Variants in PXN observed in about 807,000 individuals in gnomAD.
PXN encodes paxillin.
A neutral mutation model predicts 103.6 loss-of-function variants in PXN; 61 were observed. The ratio of observed to expected loss-of-function variants is 0.59; its 90% CI spans 0.48 to 0.73. The LOEUF (loss-of-function observed/expected upper bound fraction) is 0.73. PXN is among the 30% of genes least tolerant of loss of function. PXN has a pLI of 0.00. For synonymous variants in PXN, 562 were observed against 607.8 expected, an observed-to-expected ratio of 0.92 and a Z score of 1.11; for missense variants, 1,274 against 1,460.3, an observed-to-expected ratio of 0.87 and a Z score of 2.08.
chr12:120,245,099 A>C (rs1890833783), intron 1 of PXN, among the ~76,000 whole-genome samples: 2 of 152,008 alleles, frequency 1.3e-5, no homozygotes, highest in Admixed American at 1.3e-4. Context: ...GAGGGGCATC[A>C]CGTAGCAACA....
chr12:120,265,556 C>A lies in PXN; in HGVS notation c.13+61G>T, dbSNP rs1566444992. On this transcript the variant is annotated intron_variant, in intron 1 of 14. Coordinates refer to ENST00000637617, the MANE Select transcript of PXN (RefSeq NM_001385981.1). The surrounding 1 kb of genome is among the most constrained non-coding windows in gnomAD (Gnocchi z 5.7). ...CGCGGCCCCTGCCGCTCGCTGGCGCCCTCCTGGCCCCAAGCTGCGCGCCTC... is the reference window on the plus strand; with the variant it reads ...CGCGGCCCCTGCCGCTCGCTGGCGCACTCCTGGCCCCAAGCTGCGCGCCTC... 3.1e-5 allele frequency: 46 copies of A among 1,466,608 alleles called. No homozygotes were observed. Among genetic ancestry groups the A allele is most frequent in the Non-Finnish European group, 2.8e-5 (31 of 1,114,794 alleles). 90.8% of individuals were successfully genotyped at this position (1,466,608 alleles called of 1,614,324 possible).
At position 120,219,964 on chromosome 12, in the gene PXN, G is replaced by T; in HGVS notation, c.959C>A (p.Ser320Tyr). The T allele has an allele frequency of 6.3e-7, 1 of 1,596,252 alleles. No individual in the cohort carries two copies. Among genetic ancestry groups the T allele is most frequent in the Non-Finnish European group, 8.5e-7 (1 of 1,177,822 alleles). ...CGGAGTGTGGCCCTGGCCTCGAGGG[G>T]AGGGTATAGTGGTGGGTGGCAGAAA... Reference protein sequence around the residue: ...SVFLPPTTIPSPRGQGHTPEF... With the variant: ...SVFLPPTTIPYPRGQGHTPEF... Residue 320 changes from serine (S) to tyrosine (Y), a missense_variant, in exon 7 of 15, where the codon TCC becomes TAC. By Grantham distance (144) the Ser-to-Tyr change is moderately radical. This residue lies in a region of PXN where 1,178 missense variants were observed against 1,309.0 expected (regional missense o/e 0.90). Coordinates refer to ENST00000637617, the MANE Select transcript of PXN (RefSeq NM_001385981.1). The surrounding 1 kb of genome is among the most constrained non-coding windows in gnomAD (Gnocchi z 6.5).
Position 120,219,048 on chromosome 12 carries a change from A to G in PXN, c.1716+159T>C, listed in dbSNP as rs1329393704. ...GAGAAATGCTGGGTCCACAGAGCCC[A>G]CTGCCAAGTGCTGACTGTCAGGTCC... On this transcript the variant is annotated intron_variant, in intron 7 of 14. Transcript: ENST00000637617. The surrounding 1 kb of genome is among the most constrained non-coding windows in gnomAD (Gnocchi z 6.5). 6.6e-6 allele frequency among the ~76,000 whole-genome samples: 1 copy of G among 152,264 alleles called. No homozygotes were observed. The highest frequency in any genetic ancestry group is 1.5e-5 in the Non-Finnish European group (1 of 68,048).
rs534495586 is a variant in PXN, at chr12:120,223,114, G to T, written c.357-115C>A. 2.6e-6 allele frequency: 4 copies of T among 1,533,636 alleles called. No homozygotes were observed. The South Asian group carries it at 4.8e-5, about 18-fold the overall frequency. On this transcript the variant is annotated intron_variant, in intron 3 of 14. Coordinates refer to ENST00000637617, the MANE Select transcript of PXN (RefSeq NM_001385981.1). ...CAGAGGAGATGCGAAGTCTTCCCCC[G>T]CAAGAGGACAGAGGGTAGGGAAGGG...
In PXN at chr12:120,223,732, C is replaced by T. The variant is rs568214579; in HGVS notation, c.342G>A (p.Glu114=). 6.3e-7 allele frequency: 1 copy of T among 1,597,326 alleles called. No individual in the cohort carries two copies. The highest frequency in any genetic ancestry group is 1.1e-5 in the South Asian group (1 of 88,124). ...TGGGGCAGTACCTGTAGACGTGCTC[C>T]TCCTCACCCACTCGGGAGCACGGAG... ...VGSPCSRVGE[E]EHVYSFPNKQ... Residue 114 remains glutamate, a synonymous_variant, in exon 3 of 15, where the codon GAG becomes GAA. Transcript: ENST00000637617.
In PXN at chr12:120,215,084, G is replaced by A. The variant is rs769105132; in HGVS notation, c.2574+19C>T. 3.8e-6 allele frequency: 6 copies of A among 1,590,098 alleles called. No homozygotes were observed. The highest frequency in any genetic ancestry group is 3.4e-5 in the South Asian group (3 of 87,494). On this transcript the variant is annotated intron_variant, in intron 11 of 14. Coordinates refer to ENST00000637617, the MANE Select transcript of PXN (RefSeq NM_001385981.1). This position sits in a 1 kb window ranked among gnomAD's most constrained non-coding sequence, Gnocchi z 4.9. ...GCAGGAGTCCACTGGCCACACCCCTGCCCACTCCCCCTCATCACCTGCCCG... is the reference window on the plus strand; with the variant it reads ...GCAGGAGTCCACTGGCCACACCCCTACCCACTCCCCCTCATCACCTGCCCG...
chr12:120,219,253 G>C lies in PXN; in HGVS notation c.1670C>G (p.Ala557Gly). 1.9e-6 allele frequency: 3 copies of C among 1,597,772 alleles called. No homozygotes were observed. Among genetic ancestry groups the C allele is most frequent in the Non-Finnish European group, 2.5e-6 (3 of 1,179,358 alleles). The change falls in exon 7 of 15, where the codon GCC becomes GGC. Residue 557 changes from alanine (A) to glycine (G), a missense_variant. Physicochemically the swap from Ala to Gly is moderately conservative, Grantham distance 60 (BLOSUM62 0). Around this residue, in one of 2 missense-constraint regions of PXN, gnomAD observed 1,178 missense variants for 1,309.0 expected, o/e 0.90. Transcript: ENST00000637617. The surrounding 1 kb of genome is among the most constrained non-coding windows in gnomAD (Gnocchi z 6.5). ...KEQPELPCAM[A>G]MGTPSTTERI... The stretch of plus-strand genomic sequence containing the variant: ...CTCCGTGGTGCTGGGTGTGCCCATG[G>C]CCATGGCACATGGAAGCTCTGGCTG...
At chr12:120,255,832 G>A (rs919470060) in intron 1 of PXN, among the ~76,000 whole-genome samples, 1 of 152,008 alleles carries the variant, frequency 6.6e-6, no homozygotes, top group African/African-American at 2.4e-5. Context: ...GATTACCTGA[G>A]CTCAGGAGTT....
intron 1 of PXN, among the ~76,000 whole-genome samples, chr12:120,232,039 T>A (rs2136420736): frequency 6.6e-6 from 1 of 152,256 alleles, no homozygotes; most frequent in East Asian, 1.9e-4. Context: ...CTTCTTTTTT[T>A]CTTTTTTTGA....
chr12:120,223,715 T>C lies in PXN; in HGVS notation c.356+3A>G, dbSNP rs1885957996. Reference sequence around the variant, plus strand: ...AGGTGCCCTGGGCAGACTGGGGCAGTACCTGTAGACGTGCTCCTCCTCACC... The same window carrying C: ...AGGTGCCCTGGGCAGACTGGGGCAGCACCTGTAGACGTGCTCCTCCTCACC... On this transcript the variant is annotated splice_donor_region_variant and intron_variant, in intron 3 of 14. Transcript: ENST00000637617. 1.9e-6 allele frequency: 3 copies of C among 1,573,000 alleles called. No homozygotes were observed. The highest frequency in any genetic ancestry group is 1.7e-6 in the Non-Finnish European group (2 of 1,156,192).
rs1480269930 is a variant in PXN at position 120,216,403 on chromosome 12, CCAGAAGAA to C, written c.2163_2170del (p.Ser722GlyfsTer10). 1 of 1,349,510 alleles carries C rather than the reference CCAGAAGAA, an allele frequency of 7.4e-7. No homozygotes were observed. The highest frequency in any genetic ancestry group is 1.5e-5 in the African/African-American group (1 of 65,168). The allele number at this position is 1,349,510 out of a possible 1,614,324, so 83.6% of individuals were successfully genotyped here. A position where few individuals can be genotyped will look rare whatever the true frequency, so the allele number is the denominator to read the frequency against. ...GGGCTCTTCCCCTGCACTCTGGACC[CCAGAAGAA>C]CCACAGGTATAAGCTGAGGGCCCCA... On this transcript the variant is annotated frameshift_variant, in exon 9 of 15. Coordinates refer to ENST00000637617, the MANE Select transcript of PXN (RefSeq NM_001385981.1). LOFTEE classifies it high-confidence loss of function. This position sits in a 1 kb window ranked among gnomAD's most constrained non-coding sequence, Gnocchi z 5.1.
At chr12:120,231,568 G>A (rs566137056) in intron 1 of PXN, among the ~76,000 whole-genome samples, 6 of 152,294 alleles carry the variant, frequency 3.9e-5, no homozygotes, top group African/African-American at 1.4e-4. Flanking sequence ...CAGGGGAGGA[G>A]GGGGTGGTCA....
rs1884692362 is a variant in PXN at position 120,220,191 on chromosome 12, C to T, written c.832-100G>A. The T allele has an allele frequency of 1.9e-6, 1 of 524,102 alleles. No homozygotes were observed. Among genetic ancestry groups the T allele is most frequent in the Non-Finnish European group, 3.3e-6 (1 of 299,738 alleles). 32.5% of individuals were successfully genotyped at this position (524,102 alleles called of 1,614,324 possible). ...CGGTGGGCTCGGCCTTAGGGCTGAC[C>T]AAGGTGGCTGCAAAGCTGACGCACA... On this transcript the variant is annotated intron_variant, in intron 6 of 14. Transcript: ENST00000637617. The surrounding 1 kb of genome is among the most constrained non-coding windows in gnomAD (Gnocchi z 6.1).
chr12:120,262,676 A>G (rs762957229), intron 1 of PXN, among the ~76,000 whole-genome samples: 1 of 152,154 alleles, frequency 6.6e-6, no homozygotes, highest in African/African-American at 2.4e-5. Flanking sequence ...CAAAGCCCCC[A>G]CCAAGTACAC....
rs1320289807 is a variant in PXN at position 120,212,285 on chromosome 12, G to T, written c.*29C>A. On this transcript the variant is annotated 3_prime_UTR_variant, in exon 15 of 15. Coordinates refer to ENST00000637617, the MANE Select transcript of PXN (RefSeq NM_001385981.1). This position sits in a 1 kb window ranked among gnomAD's most constrained non-coding sequence, Gnocchi z 7.2. ...GTCGCAGTTGGGGATGCTGGCTGGG[G>T]AAGGGGGGCAGAGACAGGGGCAGGG... 3.1e-6 allele frequency: 5 copies of T among 1,601,484 alleles called. No individual in the cohort carries two copies. Among genetic ancestry groups the T allele is most frequent in the Non-Finnish European group, 4.3e-6 (5 of 1,173,504 alleles).
In PXN at chr12:120,215,832, G is replaced by C; in HGVS notation, c.2302-171C>G. The C allele has an allele frequency of 2.3e-6, 3 of 1,278,944 alleles. No individual in the cohort carries two copies. The highest frequency in any genetic ancestry group is 3.1e-6 in the Non-Finnish European group (3 of 969,136). The allele number at this position is 1,278,944 out of a possible 1,614,324, so 79.2% of individuals were successfully genotyped here. A position where few individuals can be genotyped will look rare whatever the true frequency, so the allele number is the denominator to read the frequency against. ...TCTGGAGAAAAAGAGCCCTGAGAGAGAGGCCTAGGGAGAAAGGAAGAAGGA... is the reference window on the plus strand; with the variant it reads ...TCTGGAGAAAAAGAGCCCTGAGAGACAGGCCTAGGGAGAAAGGAAGAAGGA... On this transcript the variant is annotated intron_variant, in intron 9 of 14. Coordinates refer to ENST00000637617, the MANE Select transcript of PXN (RefSeq NM_001385981.1). The surrounding 1 kb of genome is among the most constrained non-coding windows in gnomAD (Gnocchi z 4.9).
intron 1 of PXN, among the ~76,000 whole-genome samples, chr12:120,242,381 C>G (rs1288974010): frequency 6.6e-6 from 1 of 152,160 alleles, no homozygotes; most frequent in African/African-American, 2.4e-5. Flanking sequence ...CCAGCCCCAT[C>G]TCTGACAGCC....
At position 120,217,109 on chromosome 12, in the gene PXN, G is replaced by T. The variant is rs137860469; in HGVS notation, c.1724C>A (p.Ser575Tyr). ...AGACTCCCAGCTCCTCCTGATCACAGATCGGATCTAGGGGGAGGGGGAGGG... is the reference window on the plus strand; with the variant it reads ...AGACTCCCAGCTCCTCCTGATCACATATCGGATCTAGGGGGAGGGGGAGGG... The part of the protein sequence containing the change: ...ERISTSGQIR[S>Y]VIRRSWESGH... Residue 575 changes from serine (S) to tyrosine (Y), a missense_variant, in exon 8 of 15, where the codon TCT (serine) becomes TAT (tyrosine). Coordinates refer to ENST00000637617, the MANE Select transcript of PXN (RefSeq NM_001385981.1). The surrounding 1 kb of genome is among the most constrained non-coding windows in gnomAD (Gnocchi z 4.1). 2.5e-4 allele frequency: 393 copies of T among 1,586,088 alleles called. No homozygotes were observed. Among genetic ancestry groups the T allele is most frequent in the Admixed American group, 4.1e-4 (24 of 58,290 alleles).
rs1285020635 is a variant in PXN at position 120,217,732 on chromosome 12, A to G, written c.1717-616T>C. ...GTAGCTGGGATTAAAGGCATGCACC[A>G]CCACGCCTGGCTAATTTTTGTTGTT... On this transcript the variant is annotated intron_variant, in intron 7 of 14. Coordinates refer to ENST00000637617, the MANE Select transcript of PXN (RefSeq NM_001385981.1). The surrounding 1 kb of genome is among the most constrained non-coding windows in gnomAD (Gnocchi z 4.1). Among the ~76,000 whole-genome samples, 1 of 149,784 alleles carries G rather than the reference A, an allele frequency of 6.7e-6. No individual in the cohort carries two copies. Among genetic ancestry groups the G allele is most frequent in the African/African-American group, 2.4e-5 (1 of 40,862 alleles).
Sources: allele counts gnomAD v4.1 joint callset (sites outside exome capture counted in the v4.1 genomes callset), GRCh38; gene constraint gnomAD v4.1.1; regional missense constraint gnomAD v4.1.1; non-coding constraint Gnocchi (gnomAD v3.1); transcripts MANE v1.5; gene names NCBI Gene and HGNC (gene_info 2026-07-23, HGNC 2026-07-21).